FRAS1: variants seen among roughly 807,000 people sequenced by gnomAD.
FRAS1 encodes the protein extracellular matrix organizing protein FRAS1.
Under a neutral mutation model 435.2 loss-of-function variants are expected in FRAS1, and 290 were observed. That is an observed-to-expected ratio of 0.67 (90% CI 0.61 to 0.73). The LOEUF (loss-of-function observed/expected upper bound fraction) is 0.73. Among genes scored for constraint, FRAS1 ranks in the 30% least tolerant of loss-of-function variants. FRAS1 has a pLI of 0.00. For synonymous variants in FRAS1, 1,800 were observed against 1,851.0 expected (o/e 0.97, Z 0.71); for missense variants, 4,860 against 5,001.5 (o/e 0.97, Z 0.85).
intron 59 of FRAS1, among the ~76,000 whole-genome samples, chr4:78,490,536 A>G (rs1720316880): frequency 6.6e-6 from 1 of 152,234 alleles, no homozygotes; most frequent in South Asian, 2.1e-4. Context: ...GAAACTGAAC[A>G]ACCTGCTCCT....
intron 2 of FRAS1, chr4:78,181,454 C>T (rs1451273833): frequency 3.1e-6 from 5 of 1,611,776 alleles, no homozygotes; most frequent in Admixed American, 1.7e-5. Flanking sequence ...TCTATCACTT[C>T]CACTATGCCT....
At chr4:78,391,507 A>T (rs1482066015) in intron 29 of FRAS1, among the ~76,000 whole-genome samples, 1 of 152,230 alleles carries the variant, frequency 6.6e-6, no homozygotes, top group Non-Finnish European at 1.5e-5. Context: ...ACAGGGGAAA[A>T]TCATACTTAC....
chr4:78,275,410 T>G (rs1206394585), intron 9 of FRAS1, among the ~76,000 whole-genome samples: 1 of 152,198 alleles, frequency 6.6e-6, no homozygotes, highest in African/African-American at 2.4e-5. Flanking sequence ...TTCCTAGCCT[T>G]GATGATTTTT....
chr4:78,147,166 C>CT (rs567682806), intron 2 of FRAS1, among the ~76,000 whole-genome samples: 1 of 152,108 alleles, frequency 6.6e-6, no homozygotes, highest in African/African-American at 2.4e-5. Flanking sequence ...TTGTTTTCAT[C>CT]TTTTTTTGTT....
intron 2 of FRAS1, among the ~76,000 whole-genome samples, chr4:78,118,644 T>C (rs1395669951): frequency 2.6e-5 from 4 of 152,160 alleles, no homozygotes. Context: ...TCTCCTGGTG[T>C]GCCATTTGCT....
intron 35 of FRAS1, 24 bp from the exon 36 acceptor site, chr4:78,429,071 T>C (rs771040241): frequency 1.3e-6 from 2 of 1,551,032 alleles, no homozygotes; most frequent in East Asian, 2.4e-5. Flanking sequence ...TGTCTCTGTG[T>C]GTGTGTGCAT....
chr4:78,481,802 A>G lies in FRAS1; in HGVS notation c.8444-2A>G. 4 of 1,613,806 alleles carry G rather than the reference A, an allele frequency of 2.5e-6. No individual in the cohort carries two copies. Among genetic ancestry groups the G allele is most frequent in the Non-Finnish European group, 3.4e-6 (4 of 1,179,730 alleles). On this transcript the variant is annotated splice_acceptor_variant, in intron 56 of 73. Coordinates refer to ENST00000512123, the MANE Select transcript of FRAS1 (RefSeq NM_025074.7). LOFTEE classifies it high-confidence loss of function. The stretch of plus-strand genomic sequence containing the variant: ...TTAAAATCTCTATGAATCTTAATTC[A>G]GGCACAGTAAAGATTCCAGTTATCC...
At chr4:78,163,100 TTCTCTAGAA>T (rs1388533049) in intron 2 of FRAS1, among the ~76,000 whole-genome samples, 5 of 152,190 alleles carry the variant, frequency 3.3e-5, no homozygotes, top group Non-Finnish European at 7.3e-5. Flanking sequence ...TGTATTGCTG[TTCTCTAGAA>T]AAATACACCC....
chr4:78,491,526 C>A (rs965755670), intron 59 of FRAS1, among the ~76,000 whole-genome samples: 5 of 152,200 alleles, frequency 3.3e-5, no homozygotes, highest in Admixed American at 6.5e-5. Flanking sequence ...CATAATCCAT[C>A]ACATAAACAG....
chr4:78,515,724 T>G, intron 65 of FRAS1, 75 bp from the exon 66 acceptor site: 2 of 1,374,818 alleles, frequency 1.5e-6, no homozygotes, highest in Non-Finnish European at 2.1e-6. Context: ...TGCAAAAGGG[T>G]GAGCTCTTCA....
chr4:78,277,480 T>C (rs77053250), intron 9 of FRAS1, among the ~76,000 whole-genome samples: 4,026 of 152,240 alleles, frequency 0.026, 182 homozygotes, highest in African/African-American at 0.09. Context: ...CTTTAGAAAG[T>C]AGATATGTCT....
At chr4:78,343,891 G>C (rs571503855) in intron 20 of FRAS1, among the ~76,000 whole-genome samples, 51 of 152,280 alleles carry the variant, frequency 3.3e-4, no homozygotes, top group Middle Eastern at 3.4e-3. Flanking sequence ...TCTACTGTGC[G>C]GGGGAGGTGG....
intron 28 of FRAS1, among the ~76,000 whole-genome samples, chr4:78,386,707 T>C (rs1732230089): frequency 6.6e-6 from 1 of 152,210 alleles, no homozygotes; most frequent in African/African-American, 2.4e-5. Flanking sequence ...TTAGCTTTTA[T>C]CTTTATGAAA....
intron 31 of FRAS1, among the ~76,000 whole-genome samples, chr4:78,412,526 A>T (rs959142819): frequency 7.9e-5 from 12 of 152,338 alleles, no homozygotes; most frequent in South Asian, 6.2e-4. Flanking sequence ...ATGGAATACA[A>T]ATCATATTAC....
chr4:78,386,528 G>A (rs1422052688), intron 28 of FRAS1, among the ~76,000 whole-genome samples: 1 of 152,278 alleles, frequency 6.6e-6, no homozygotes, highest in African/African-American at 2.4e-5. Flanking sequence ...GGCCAGGAGG[G>A]TGCTTGGGTA....
intron 20 of FRAS1, among the ~76,000 whole-genome samples, chr4:78,338,741 G>T (rs1033541873): frequency 3.3e-5 from 5 of 152,170 alleles, no homozygotes; most frequent in African/African-American, 1.2e-4. Context: ...ACAGTATCCA[G>T]CAGGCACATT....
intron 58 of FRAS1, among the ~76,000 whole-genome samples, chr4:78,485,888 A>G (rs556310700): frequency 2.8e-4 from 42 of 152,314 alleles, no homozygotes; most frequent in African/African-American, 1.0e-3. Flanking sequence ...AGAGTCTTAC[A>G]AAGTCAACTC....
intron 10 of FRAS1, among the ~76,000 whole-genome samples, chr4:78,279,412 TTGGC>T (rs1727213746): frequency 6.6e-6 from 1 of 152,138 alleles, no homozygotes; most frequent in African/African-American, 2.4e-5. Flanking sequence ...CAGGACCACT[TTGGC>T]TGCTGCATGG....
In FRAS1 at chr4:78,110,323, A is replaced by C. The variant is rs1265046001; in HGVS notation, c.108+44307A>C. 2.4e-5 allele frequency among the ~76,000 whole-genome samples: 3 copies of C among 126,772 alleles called. 1 individual carries two copies. Among genetic ancestry groups the C allele is most frequent in the African/African-American group, 9.7e-5 (3 of 30,948 alleles). The allele number at this position is 126,772 out of a possible 152,430, so 83.2% of individuals were successfully genotyped here. A position where few individuals can be genotyped will look rare whatever the true frequency, so the allele number is the denominator to read the frequency against. The stretch of plus-strand genomic sequence containing the variant: ...TCCTAAGCCAAAAGAACAAAGCTGG[A>C]GGCATCACACTACCTGAGTTCAAAC... On this transcript the variant is annotated intron_variant, in intron 2 of 73. Transcript: ENST00000512123.
Sources: allele counts gnomAD v4.1 joint callset (sites outside exome capture counted in the v4.1 genomes callset), GRCh38; gene constraint gnomAD v4.1.1; transcripts MANE v1.5; gene names NCBI Gene and HGNC (gene_info 2026-07-23, HGNC 2026-07-21).